The following CORO2B variants were observed in gnomAD, a reference collection of about 807,000 sequenced individuals.
CORO2B encodes coronin-2B.
A neutral mutation model predicts 58.8 loss-of-function variants in CORO2B; 26 were observed. That is an observed-to-expected ratio of 0.44 (90% CI 0.32 to 0.61). CORO2B has a LOEUF of 0.61. CORO2B is among the 20% of genes least tolerant of loss of function. CORO2B has a pLI of 0.04. For missense variants in CORO2B, 460 were observed against 645.1 expected, an observed-to-expected ratio of 0.71 and a Z score of 3.11; for synonymous variants, 242 against 253.8, an observed-to-expected ratio of 0.95 and a Z score of 0.44.
At chr15:68,720,048 C>T (rs781134238) in intron 11 of CORO2B, among the ~76,000 whole-genome samples, 6 of 152,154 alleles carry the variant, frequency 3.9e-5, no homozygotes, top group South Asian at 2.1e-4. Context: ...TTGTCCATGT[C>T]CCCCAGCGGT....
chr15:68,614,962 A>C (rs1900320068), intron 1 of CORO2B, among the ~76,000 whole-genome samples: 1 of 152,216 alleles, frequency 6.6e-6, no homozygotes, highest in South Asian at 2.1e-4. Context: ...CTTGCTCCCC[A>C]CAGAGTCCTG....
In CORO2B at chr15:68,710,847, A is replaced by C. The variant is rs577805684; in HGVS notation, c.449A>C (p.Asn150Thr). 6.2e-7 allele frequency: 1 copy of C among 1,611,038 alleles called. No individual in the cohort carries two copies. Among genetic ancestry groups the C allele is most frequent in the Non-Finnish European group, 8.5e-7 (1 of 1,178,846 alleles). The change falls in exon 4 of 12, where the codon AAC becomes ACC. Residue 150 changes from asparagine to threonine, a missense_variant. Around this residue, in one of 2 missense-constraint regions of CORO2B, gnomAD observed 352 missense variants for 543.0 expected, o/e 0.65. Transcript: ENST00000261861. The surrounding 1 kb of genome is among the most constrained non-coding windows in gnomAD (Gnocchi z 4.1). ...CTGGTCGAGTGGCACCCCACCACCAACAACATCCTGTTCAGCGCTGGCTAC... is the reference window on the plus strand; with the variant it reads ...CTGGTCGAGTGGCACCCCACCACCACCAACATCCTGTTCAGCGCTGGCTAC... ...VGLVEWHPTT[N>T]NILFSAGYDY...
At chr15:68,711,257 G>T (rs755421540) in intron 4 of CORO2B, among the ~76,000 whole-genome samples, 3 of 152,128 alleles carry the variant, frequency 2.0e-5, no homozygotes, top group Admixed American at 6.5e-5. Flanking sequence ...CTCAAAAAAA[G>T]GTGGGCTGAC....
Position 68,642,716 on chromosome 15 carries a change from C to G in CORO2B, c.16-2444C>G, listed in dbSNP as rs903967912. ...ACCCCCAGGATGGAAGAGGCTAGGA[C>G]AAGCTCTAGACTAGGAGCCCAGGGA... On this transcript the variant is annotated intron_variant, in intron 1 of 11. Coordinates refer to ENST00000261861, the MANE Select transcript of CORO2B (RefSeq NM_006091.5). Among the ~76,000 whole-genome samples the G allele has an allele frequency of 5.3e-5, 8 of 152,114 alleles. 1 individual carries two copies. In the South Asian group the frequency reaches 1.7e-3, roughly 32 times the overall value.
chr15:68,545,740 A>G, the CORO2B span, among the ~76,000 whole-genome samples: 30 of 152,046 alleles, frequency 2.0e-4, no homozygotes, highest in South Asian at 2.9e-3. Flanking sequence ...TCATAGTCCA[A>G]TGCTGTAGGG....
chr15:68,654,396 C>A (rs1901737368), intron 2 of CORO2B, among the ~76,000 whole-genome samples: 1 of 152,230 alleles, frequency 6.6e-6, no homozygotes, highest in Non-Finnish European at 1.5e-5. Flanking sequence ...CCTCTCATTC[C>A]TTGCAGAGCC....
chr15:68,711,137 A>G (rs1325235745), intron 4 of CORO2B, among the ~76,000 whole-genome samples: 1 of 152,046 alleles, frequency 6.6e-6, no homozygotes, highest in African/African-American at 2.4e-5. Context: ...TGCCCCTTCC[A>G]TGCCCACACC....
Position 68,726,172 on chromosome 15 carries a change from G to T in CORO2B, c.*198G>T. On this transcript the variant is annotated 3_prime_UTR_variant, in exon 12 of 12. Coordinates refer to ENST00000261861, the MANE Select transcript of CORO2B (RefSeq NM_006091.5). ...ATGCTAATAAAAGTCCCCAGCTTCT[G>T]GAGACCCCCTGCCGGCAGCCCCTTT... is the stretch of plus-strand genomic sequence containing the variant. 1 of 639,988 alleles carries T rather than the reference G, an allele frequency of 1.6e-6. No individual in the cohort carries two copies. The highest frequency in any genetic ancestry group is 3.4e-5 in the East Asian group (1 of 29,590). The allele number at this position is 639,988 out of a possible 1,614,324, so 39.6% of individuals were successfully genotyped here.
chr15:68,534,619 C>A, the CORO2B span, among the ~76,000 whole-genome samples: 3 of 152,210 alleles, frequency 2.0e-5, no homozygotes, highest in Non-Finnish European at 4.4e-5. Flanking sequence ...TTTGAAAACA[C>A]GCTGAAGGGT....
chr15:68,627,609 A>G (rs762483637), intron 1 of CORO2B, among the ~76,000 whole-genome samples: 32 of 152,168 alleles, frequency 2.1e-4, no homozygotes, highest in Non-Finnish European at 3.5e-4. Flanking sequence ...ACTCTGCATC[A>G]TGGTTGGGTG....
At chr15:68,722,075 T>C (rs1398000848) in intron 11 of CORO2B, among the ~76,000 whole-genome samples, 1 of 152,214 alleles carries the variant, frequency 6.6e-6, no homozygotes, top group Non-Finnish European at 1.5e-5. Flanking sequence ...TTAAAAGAAC[T>C]CTACTCTTTG....
At chr15:68,685,501 C>T (rs1295399140) in intron 2 of CORO2B, among the ~76,000 whole-genome samples, 6 of 152,158 alleles carry the variant, frequency 3.9e-5, no homozygotes, top group African/African-American at 7.2e-5. Context: ...CGTGAGCCAC[C>T]GTGCCCAGCT....
intron 1 of CORO2B, among the ~76,000 whole-genome samples, chr15:68,593,294 G>A (rs544731030): frequency 2.0e-5 from 3 of 152,200 alleles, no homozygotes; most frequent in Non-Finnish European, 4.4e-5. Flanking sequence ...TTGGTTTAAT[G>A]TTCTGTTGTC....
the CORO2B span, among the ~76,000 whole-genome samples, chr15:68,562,746 A>C: frequency 6.6e-6 from 1 of 152,132 alleles, no homozygotes. Flanking sequence ...AGGCCAAGGC[A>C]GGTGGGTCAC....
At chr15:68,567,815 T>C in the CORO2B span, among the ~76,000 whole-genome samples, 1 of 151,636 alleles carries the variant, frequency 6.6e-6, no homozygotes, top group Non-Finnish European at 1.5e-5. Context: ...AGGTCAGGAG[T>C]TCAAGACTAG....
chr15:68,639,379 G>T (rs1901135107), intron 1 of CORO2B, among the ~76,000 whole-genome samples: 2 of 152,356 alleles, frequency 1.3e-5, no homozygotes, highest in African/African-American at 4.8e-5. Context: ...TCTAAAGCTT[G>T]AAATAAGTGC....
At chr15:68,641,050 C>A (rs1436029429) in intron 1 of CORO2B, among the ~76,000 whole-genome samples, 1 of 152,180 alleles carries the variant, frequency 6.6e-6, no homozygotes, top group Non-Finnish European at 1.5e-5. Flanking sequence ...ACCTCCCTTC[C>A]CCTGGCCCTT....
intron 2 of CORO2B, among the ~76,000 whole-genome samples, chr15:68,683,693 C>T (rs1364850176): frequency 6.6e-6 from 1 of 152,122 alleles, no homozygotes; most frequent in African/African-American, 2.4e-5. Context: ...GGGATGTCAC[C>T]ATCTCAGGAC....
chr15:68,524,873 G>A, the CORO2B span, among the ~76,000 whole-genome samples: 1 of 152,212 alleles, frequency 6.6e-6, no homozygotes, highest in South Asian at 2.1e-4. Context: ...TGCAGCAGCT[G>A]ATCAGAGGCA....
Sources: allele counts gnomAD v4.1 joint callset (sites outside exome capture counted in the v4.1 genomes callset), GRCh38; gene constraint gnomAD v4.1.1; regional missense constraint gnomAD v4.1.1; non-coding constraint Gnocchi (gnomAD v3.1); transcripts MANE v1.5; gene names NCBI Gene and HGNC (gene_info 2026-07-23, HGNC 2026-07-21).